Variants in NEBL observed in about 807,000 individuals in gnomAD.
NEBL encodes LIM and SH3 protein 2.
Under a neutral mutation model 140.2 loss-of-function variants are expected in NEBL, and 122 were observed. The ratio of observed to expected loss-of-function variants is 0.87; its 90% CI spans 0.75 to 1.01. NEBL has a LOEUF of 1.01. Ranked by LOEUF, NEBL falls within the 50% of genes least tolerant of loss-of-function variation. The probability of loss-of-function intolerance (pLI) is 0.00; values close to 1 mark genes in which losing one functional copy is unlikely to be tolerated. For missense variants in NEBL, 1,365 were observed against 1,231.3 expected (o/e 1.11, Z -1.62); for synonymous variants, 436 against 398.9 (o/e 1.09, Z -1.11).
At chr10:20,888,858 G>A (rs534975479) in intron 3 of NEBL, among the ~76,000 whole-genome samples, 13 of 152,272 alleles carry the variant, frequency 8.5e-5, no homozygotes, top group Non-Finnish European at 1.8e-4. Context: ...TTATCTGCAC[G>A]GGAGAATGGA....
intron 24 of NEBL, 27 bp downstream of exon 24, chr10:20,812,742 A>G (rs763146293): frequency 5.0e-6 from 8 of 1,613,000 alleles, no homozygotes; most frequent in East Asian, 4.5e-5. Context: ...GACCACACAC[A>G]CCGGCCGACA....
intron 4 of NEBL, among the ~76,000 whole-genome samples, chr10:20,886,771 G>A (rs1204499634): frequency 2.0e-5 from 3 of 152,142 alleles, no homozygotes; most frequent in Non-Finnish European, 4.4e-5. Context: ...GTTGTTTTGA[G>A]GACTGACTGG....
intron 4 of NEBL, among the ~76,000 whole-genome samples, chr10:20,915,724 A>G (rs530368435): frequency 6.6e-6 from 1 of 152,230 alleles, no homozygotes; most frequent in South Asian, 2.1e-4. Flanking sequence ...ATACATGTGC[A>G]TGTGTCTTTA....
At chr10:20,800,707 C>T (rs914837897) in intron 26 of NEBL, among the ~76,000 whole-genome samples, 4 of 131,620 alleles carry the variant, frequency 3.0e-5, no homozygotes, top group Middle Eastern at 3.9e-3. Flanking sequence ...AGAGAGGTTG[C>T]GATATTTGAA....
intron 3 of NEBL, among the ~76,000 whole-genome samples, chr10:20,982,842 T>A (rs1191550149): frequency 1.3e-5 from 2 of 152,208 alleles, no homozygotes; most frequent in African/African-American, 4.8e-5. Context: ...ATTTCTGATA[T>A]CAGGGCAATC....
intron 25 of NEBL, 33 bp from the exon 26 acceptor site, chr10:20,808,692 T>C (rs1344525802): frequency 6.3e-7 from 1 of 1,599,784 alleles, no homozygotes; most frequent in African/African-American, 1.3e-5. Context: ...ACACGTGTGA[T>C]TAAGTGACTC....
chr10:21,007,216 C>A (rs1838171514), intron 3 of NEBL, among the ~76,000 whole-genome samples: 1 of 152,160 alleles, frequency 6.6e-6, no homozygotes, highest in South Asian at 2.1e-4. Flanking sequence ...CCTCTCTCCC[C>A]ACAGCCGCTG....
At chr10:21,221,310 A>G (rs59811250) in intron 3 of NEBL, among the ~76,000 whole-genome samples, 42,778 of 151,998 alleles carry the variant, frequency 0.28, 10,923 homozygotes, top group African/African-American at 0.69. Flanking sequence ...AAGCTGAGGG[A>G]TGGGGATTTA....
chr10:21,275,300 T>C (rs1273858424), intron 1 of NEBL, among the ~76,000 whole-genome samples: 1 of 152,230 alleles, frequency 6.6e-6, no homozygotes, highest in East Asian at 1.9e-4. Context: ...TTTCTGCATC[T>C]CTCTTCCTAT....
rs1018569212 is a variant in NEBL at position 20,924,782 on chromosome 10, G to A, written c.357+36890C>T. On this transcript the variant is annotated intron_variant, in intron 4 of 6. Transcript: ENST00000417816. ...CTGTAGAGCTTCCCCCATAGAAAGA[G>A]ATTACAAACGGTCGTTCAGTTCCAG... is the stretch of plus-strand genomic sequence containing the variant. Among the ~76,000 whole-genome samples the A allele has an allele frequency of 6.6e-5, 10 of 152,210 alleles. No individual in the cohort carries two copies. The East Asian group carries it at 1.9e-3, about 29-fold the overall frequency.
At chr10:20,793,930 A>C (rs1386968143) in intron 26 of NEBL, among the ~76,000 whole-genome samples, 3 of 152,160 alleles carry the variant, frequency 2.0e-5, no homozygotes, top group African/African-American at 7.2e-5. Context: ...CCCCCATTTG[A>C]CAGGAATTTA....
At chr10:20,851,785 A>T (rs981041122) in intron 10 of NEBL, among the ~76,000 whole-genome samples, 2 of 152,156 alleles carry the variant, frequency 1.3e-5, no homozygotes, top group African/African-American at 4.8e-5. Flanking sequence ...ACTCCATCTC[A>T]AACAAAAATT....
At chr10:21,043,115 C>T (rs938848129) in intron 2 of NEBL, among the ~76,000 whole-genome samples, 3 of 152,192 alleles carry the variant, frequency 2.0e-5, no homozygotes, top group Non-Finnish European at 2.9e-5. Flanking sequence ...CAGAAGTAGG[C>T]CTTTTTCCCT....
intron 3 of NEBL, among the ~76,000 whole-genome samples, chr10:21,228,738 C>T (rs942551857): frequency 2.2e-4 from 33 of 152,126 alleles, no homozygotes; most frequent in Non-Finnish European, 4.4e-5. Context: ...TAAAATATAA[C>T]CATAATGGAG....
At position 21,025,905 on chromosome 10, in the gene NEBL, C is replaced by A. The variant is rs145614751; in HGVS notation, c.165-5704G>T. ...GCACTCAAGAAAATGTCTACCATTA[C>A]TTATAATATTATTATCACTATTACT... On this transcript the variant is annotated intron_variant, in intron 2 of 6. Transcript: ENST00000417816. 1.6e-3 allele frequency among the ~76,000 whole-genome samples: 243 copies of A among 152,278 alleles called. 1 individual carries two copies. The highest frequency in any genetic ancestry group is 5.8e-3 in the African/African-American group (240 of 41,564).
At chr10:21,132,646 T>G (rs1839165508) in intron 2 of NEBL, among the ~76,000 whole-genome samples, 1 of 152,202 alleles carries the variant, frequency 6.6e-6, no homozygotes, top group Non-Finnish European at 1.5e-5. Context: ...TCACCAACAT[T>G]TGTTATTGTC....
At chr10:20,852,489 A>G in intron 10 of NEBL, 56 bp downstream of exon 10, 2 of 1,206,116 alleles carry the variant, frequency 1.7e-6, no homozygotes, top group South Asian at 1.2e-5. Context: ...GGCGGGCCTC[A>G]GGATGGTTAC....
At chr10:21,098,117 G>A (rs1177431585) in intron 2 of NEBL, among the ~76,000 whole-genome samples, 3 of 152,120 alleles carry the variant, frequency 2.0e-5, no homozygotes, top group Non-Finnish European at 2.9e-5. Context: ...AATGTGAGTG[G>A]ATATGAATTT....
chr10:21,146,435 G>A (rs1839898724), intron 2 of NEBL: 1 of 1,613,352 alleles, frequency 6.2e-7, no homozygotes, highest in Non-Finnish European at 8.5e-7. Flanking sequence ...ATAAGCTAGA[G>A]GACAGCCAAT....
Sources: allele counts gnomAD v4.1 joint callset (sites outside exome capture counted in the v4.1 genomes callset), GRCh38; gene constraint gnomAD v4.1.1; transcripts MANE v1.5; gene names NCBI Gene and HGNC (gene_info 2026-07-23, HGNC 2026-07-21).